Variants in KIRREL3 observed in about 807,000 individuals in gnomAD.
KIRREL3 encodes kin of IRRE-like protein 3.
In KIRREL3, 36 loss-of-function variants were observed where a neutral mutation model predicts 89.7. That is an observed-to-expected ratio of 0.40 (90% CI 0.31 to 0.53). The LOEUF is 0.53. KIRREL3 is among the 20% of genes least tolerant of loss of function. The probability of loss-of-function intolerance (pLI) is 0.49; values close to 1 mark genes in which losing one functional copy is unlikely to be tolerated. For missense variants in KIRREL3, 864 were observed against 1,056.6 expected, an observed-to-expected ratio of 0.82 and a Z score of 2.53; for synonymous variants, 445 against 441.4, an observed-to-expected ratio of 1.01 and a Z score of -0.10.
At chr11:126,545,636 A>AAAATAAAATAAAATAAAATAAAATT (rs1938755580) in intron 2 of KIRREL3, among the ~76,000 whole-genome samples, 1 of 151,768 alleles carries the variant, frequency 6.6e-6, no homozygotes, top group African/African-American at 2.4e-5. Context: ...AAAATAAAAT[A>AAAATAAAATAAAATAAAATAAAATT]AAATAAATAA....
rs914860049 is a variant in KIRREL3, at chr11:126,872,238, A to T, written c.55+128217T>A. ...TTTACAAATGCCACATCAATATGCCATGGCAATGACCTGAAAATTACCTTG... is the reference window on the plus strand; with the variant it reads ...TTTACAAATGCCACATCAATATGCCTTGGCAATGACCTGAAAATTACCTTG... On this transcript the variant is annotated intron_variant, in intron 1 of 16. Transcript: ENST00000525144. The surrounding 1 kb of genome is among the most constrained non-coding windows in gnomAD (Gnocchi z 4.2). Among the ~76,000 whole-genome samples, 1 of 152,238 alleles carries T rather than the reference A, an allele frequency of 6.6e-6. No individual in the cohort carries two copies. The highest frequency in any genetic ancestry group is 2.4e-5 in the African/African-American group (1 of 41,476).
chr11:126,975,085 C>T (rs688907), intron 1 of KIRREL3, among the ~76,000 whole-genome samples: 16,204 of 152,098 alleles, frequency 0.11, 1,051 homozygotes, highest in Middle Eastern at 0.19. Context: ...GCTGGGATTA[C>T]AGGTGTGAGC....
Position 126,645,305 on chromosome 11 carries a change from C to T in KIRREL3, c.56-82393G>A, listed in dbSNP as rs146463931. The stretch of plus-strand genomic sequence containing the variant: ...ATTCAGTTTTTATGAAGACCTCCAG[C>T]GTCTTCATGTGTGGTCCTCAAATCC... On this transcript the variant is annotated intron_variant, in intron 1 of 16. Coordinates refer to ENST00000525144, the MANE Select transcript of KIRREL3 (RefSeq NM_032531.4). The surrounding 1 kb of genome is among the most constrained non-coding windows in gnomAD (Gnocchi z 4.9). 3.2e-4 allele frequency among the ~76,000 whole-genome samples: 49 copies of T among 152,232 alleles called. 1 individual carries two copies. The highest frequency in any genetic ancestry group is 1.8e-3 in the Admixed American group (27 of 15,294).
rs1289483406 is a variant in KIRREL3, at chr11:126,710,804, T to C, written c.56-147892A>G. Among the ~76,000 whole-genome samples, 2 of 152,214 alleles carry C rather than the reference T, an allele frequency of 1.3e-5. No homozygotes were observed. The highest frequency in any genetic ancestry group is 4.8e-5 in the African/African-American group (2 of 41,452). On this transcript the variant is annotated intron_variant, in intron 1 of 16. Transcript: ENST00000525144. The surrounding 1 kb of genome is among the most constrained non-coding windows in gnomAD (Gnocchi z 4.2). ...ATTATTAAGAACAGATCTACTACAG[T>C]TTGACAACTGCCACAAACACAAATC...
intron 1 of KIRREL3, among the ~76,000 whole-genome samples, chr11:126,930,882 C>T (rs569146976): frequency 6.6e-6 from 1 of 152,288 alleles, no homozygotes; most frequent in East Asian, 1.9e-4. Flanking sequence ...TGTACTTGCC[C>T]CAAGGTCCAT....
intron 4 of KIRREL3, among the ~76,000 whole-genome samples, chr11:126,512,912 C>T (rs545563471): frequency 4.0e-4 from 61 of 152,294 alleles, no homozygotes; most frequent in Admixed American, 2.0e-3. Flanking sequence ...ACTGGCTCCA[C>T]CATGGAGAGG....
rs562941883 is a variant in KIRREL3 at position 126,845,888 on chromosome 11, G to A, written c.55+154567C>T. Among the ~76,000 whole-genome samples the A allele has an allele frequency of 3.9e-5, 6 of 152,196 alleles. No individual in the cohort carries two copies. In the South Asian group the frequency reaches 6.2e-4, roughly 16 times the overall value. ...TAAAAGCAGATATTCAGGCTCCAAC[G>A]GCCTGTAGTTCCTTGGGAAAAACAG... On this transcript the variant is annotated intron_variant, in intron 1 of 16. Coordinates refer to ENST00000525144, the MANE Select transcript of KIRREL3 (RefSeq NM_032531.4).
In KIRREL3 at chr11:126,872,482, C is replaced by A. The variant is rs1254807869; in HGVS notation, c.55+127973G>T. ...CTTCAATAAAGTTGCAAACTGATTTCTTTCACCATCATCTCCCCATTGGAT... is the reference window on the plus strand; with the variant it reads ...CTTCAATAAAGTTGCAAACTGATTTATTTCACCATCATCTCCCCATTGGAT... On this transcript the variant is annotated intron_variant, in intron 1 of 16. Transcript: ENST00000525144. The surrounding 1 kb of genome is among the most constrained non-coding windows in gnomAD (Gnocchi z 4.2). Among the ~76,000 whole-genome samples the A allele has an allele frequency of 6.6e-6, 1 of 152,202 alleles. No homozygotes were observed.
Position 126,943,438 on chromosome 11 carries a change from T to C in KIRREL3, c.55+57017A>G, listed in dbSNP as rs1948520641. Among the ~76,000 whole-genome samples the C allele has an allele frequency of 6.6e-6, 1 of 152,238 alleles. No individual in the cohort carries two copies. The highest frequency in any genetic ancestry group is 6.5e-5 in the Admixed American group (1 of 15,288). On this transcript the variant is annotated intron_variant, in intron 1 of 16. Coordinates refer to ENST00000525144, the MANE Select transcript of KIRREL3 (RefSeq NM_032531.4). This position sits in a 1 kb window ranked among gnomAD's most constrained non-coding sequence, Gnocchi z 4.2. ...ATCAAAAGAAGTTCCCTTTATAGAT[T>C]GCATTGTACAAATAGAATTGCCTAG...
Position 126,705,361 on chromosome 11 carries a change from T to C in KIRREL3, c.56-142449A>G, listed in dbSNP as rs552198216. Among the ~76,000 whole-genome samples, 12 of 152,308 alleles carry C rather than the reference T, an allele frequency of 7.9e-5. No homozygotes were observed. Among genetic ancestry groups the C allele is most frequent in the African/African-American group, 2.9e-4 (12 of 41,584 alleles). On this transcript the variant is annotated intron_variant, in intron 1 of 16. Coordinates refer to ENST00000525144, the MANE Select transcript of KIRREL3 (RefSeq NM_032531.4). This position sits in a 1 kb window ranked among gnomAD's most constrained non-coding sequence, Gnocchi z 4.3. ...TCAGGAATGGTTTGGCACTAACCTC[T>C]TGGTGATAAGTGAGTTGTTGATCAG...
chr11:126,921,981 A>G (rs1054065413), intron 1 of KIRREL3, among the ~76,000 whole-genome samples: 9 of 145,698 alleles, frequency 6.2e-5, no homozygotes, highest in African/African-American at 1.0e-4. Flanking sequence ...CTATCTATCT[A>G]TCTATCTATC....
chr11:126,480,430 G>A (rs1478433658), intron 4 of KIRREL3, among the ~76,000 whole-genome samples: 1 of 152,196 alleles, frequency 6.6e-6, no homozygotes, highest in Non-Finnish European at 1.5e-5. Flanking sequence ...TTGAGGCAGG[G>A]ACTATTAGGG....
chr11:126,682,449 T>C lies in KIRREL3; in HGVS notation c.56-119537A>G, dbSNP rs1946500311. Reference sequence around the variant, plus strand: ...TGATACTGAGTAGGTGTGCAATCAATATTTGTTTTTTCCTGCCACTCCTTT... The same window carrying C: ...TGATACTGAGTAGGTGTGCAATCAACATTTGTTTTTTCCTGCCACTCCTTT... On this transcript the variant is annotated intron_variant, in intron 1 of 16. Coordinates refer to ENST00000525144, the MANE Select transcript of KIRREL3 (RefSeq NM_032531.4). The surrounding 1 kb of genome is among the most constrained non-coding windows in gnomAD (Gnocchi z 4.8). Among the ~76,000 whole-genome samples, 1 of 152,064 alleles carries C rather than the reference T, an allele frequency of 6.6e-6. No individual in the cohort carries two copies. The highest frequency in any genetic ancestry group is 2.4e-5 in the African/African-American group (1 of 41,404).
At chr11:126,779,592 T>C (rs190884159) in intron 1 of KIRREL3, among the ~76,000 whole-genome samples, 156 of 152,318 alleles carry the variant, frequency 1.0e-3, no homozygotes, top group Admixed American at 1.9e-3. Flanking sequence ...CTAGGCTGTT[T>C]AGAATCAGGA....
intron 1 of KIRREL3, among the ~76,000 whole-genome samples, chr11:126,839,534 T>C (rs7106729): frequency 0.86 from 131,030 of 152,234 alleles, 56,708 homozygotes; most frequent in East Asian, 1. Flanking sequence ...GAGGAGGAAA[T>C]GCCGCATTGG....
chr11:126,431,513 C>T lies in KIRREL3; in HGVS notation c.1602G>A (p.Met534Ile). 1.9e-6 allele frequency: 3 copies of T among 1,613,888 alleles called. No homozygotes were observed. The highest frequency in any genetic ancestry group is 2.5e-6 in the Non-Finnish European group (3 of 1,179,892). ...CTACGGCCACCCCAATGATGACGGC[C>T]ATCGGCACAGACTCTGTGGGAGAGA... Reference protein sequence around the residue: ...GAGLEAESVPMAVIIGVAVGA... With the variant: ...GAGLEAESVPIAVIIGVAVGA... The change falls in exon 14 of 17, where the codon ATG (methionine) becomes ATA (isoleucine). Residue 534 changes from methionine to isoleucine, a missense_variant. Transcript: ENST00000525144. The surrounding 1 kb of genome is among the most constrained non-coding windows in gnomAD (Gnocchi z 7.1).
chr11:126,588,988 G>A (rs1353606007), intron 1 of KIRREL3, among the ~76,000 whole-genome samples: 1 of 152,104 alleles, frequency 6.6e-6, no homozygotes, highest in East Asian at 1.9e-4. Context: ...GTGAAGCCTG[G>A]CACTCATTCT....
In KIRREL3 at chr11:126,805,026, C is replaced by T. The variant is rs1951161620; in HGVS notation, c.55+195429G>A. ...TTAAGATTCAGAAAAGTTGGCTTAT[C>T]ATTTAAGGAGCACAGTTCATAGGGT... On this transcript the variant is annotated intron_variant, in intron 1 of 16. Coordinates refer to ENST00000525144, the MANE Select transcript of KIRREL3 (RefSeq NM_032531.4). This position sits in a 1 kb window ranked among gnomAD's most constrained non-coding sequence, Gnocchi z 4.3. Among the ~76,000 whole-genome samples the T allele has an allele frequency of 6.6e-6, 1 of 152,144 alleles. No homozygotes were observed. The highest frequency in any genetic ancestry group is 1.5e-5 in the Non-Finnish European group (1 of 68,022).
chr11:126,671,273 G>A (rs1429387499), intron 1 of KIRREL3, among the ~76,000 whole-genome samples: 3 of 141,870 alleles, frequency 2.1e-5, no homozygotes, highest in Non-Finnish European at 4.5e-5. Flanking sequence ...TTGCTGCACT[G>A]CCCACACCAC....
Sources: allele counts gnomAD v4.1 joint callset (sites outside exome capture counted in the v4.1 genomes callset), GRCh38; gene constraint gnomAD v4.1.1; non-coding constraint Gnocchi (gnomAD v3.1); transcripts MANE v1.5; gene names NCBI Gene and HGNC (gene_info 2026-07-23, HGNC 2026-07-21).